The following LSM14A variants were observed in gnomAD, a reference collection of about 807,000 sequenced individuals.
LSM14A encodes the protein protein LSM14 homolog A.
A neutral mutation model predicts 52.4 loss-of-function variants in LSM14A; 14 were observed. The observed-to-expected ratio is 0.27, with a 90% CI of 0.18 to 0.42. LSM14A has a LOEUF of 0.42. Among genes scored for constraint, LSM14A ranks in the 10% least tolerant of loss-of-function variants. The pLI, the probability that LSM14A is intolerant of heterozygous loss-of-function variation, is 1.00. For missense variants in LSM14A, 417 were observed against 581.8 expected (o/e 0.72, Z 2.91); for synonymous variants, 185 against 200.3 (o/e 0.92, Z 0.64).
chr19:34,205,351 T>A (rs2071607056), intron 3 of LSM14A, among the ~76,000 whole-genome samples: 1 of 151,514 alleles, frequency 6.6e-6, no homozygotes, highest in Admixed American at 6.6e-5. Context: ...CCAGGTATGA[T>A]GGCAGGTGCC....
intron 1 of LSM14A, among the ~76,000 whole-genome samples, chr19:34,182,024 C>T (rs752954014): frequency 2.0e-5 from 3 of 152,062 alleles, no homozygotes; most frequent in Non-Finnish European, 4.4e-5. Flanking sequence ...TCATGTGATC[C>T]GAACCTATCA....
At chr19:34,226,475 CA>C in intron 9 of LSM14A, 1 of 1,386,354 alleles carries the variant, frequency 7.2e-7, no homozygotes, top group Non-Finnish European at 9.5e-7. Flanking sequence ...GTAAAAAAAA[CA>C]AATACTTTGG....
At chr19:34,220,610 A>G (rs1163603230) in intron 8 of LSM14A, among the ~76,000 whole-genome samples, 1 of 135,404 alleles carries the variant, frequency 7.4e-6, no homozygotes, top group East Asian at 1.9e-4. Context: ...TCTCCTGCCC[A>G]ATCCAAATTG....
At chr19:34,197,134 C>G (rs965566131) in intron 3 of LSM14A, among the ~76,000 whole-genome samples, 1 of 152,040 alleles carries the variant, frequency 6.6e-6, no homozygotes, top group Non-Finnish European at 1.5e-5. Flanking sequence ...CTCTGTCACT[C>G]AGGCTGGAGT....
chr19:34,180,156 T>C (rs1399278704), intron 1 of LSM14A, among the ~76,000 whole-genome samples: 1 of 152,202 alleles, frequency 6.6e-6, no homozygotes, highest in African/African-American at 2.4e-5. Context: ...TGGGCTCAAG[T>C]GATCTGCCTG....
At chr19:34,218,589 G>C (rs2072845013) in intron 6 of LSM14A, among the ~76,000 whole-genome samples, 1 of 152,100 alleles carries the variant, frequency 6.6e-6, no homozygotes, top group Admixed American at 6.5e-5. Context: ...ACTGGTTTCT[G>C]TTCTGCGTTT....
intron 3 of LSM14A, among the ~76,000 whole-genome samples, chr19:34,201,904 C>G (rs1221327675): frequency 6.6e-6 from 1 of 152,022 alleles, no homozygotes; most frequent in Non-Finnish European, 1.5e-5. Context: ...TCGCTGCAGC[C>G]TAGACCTCCT....
intron 9 of LSM14A, among the ~76,000 whole-genome samples, chr19:34,226,759 G>T (rs2073368629): frequency 6.6e-6 from 1 of 152,056 alleles, no homozygotes; most frequent in South Asian, 2.1e-4. Flanking sequence ...TTTAGTTTAG[G>T]GTCAGTCTCT....
chr19:34,194,655 A>G lies in LSM14A; in HGVS notation c.285+14A>G. The G allele has an allele frequency of 6.2e-7, 1 of 1,613,832 alleles. No individual in the cohort carries two copies. Among genetic ancestry groups the G allele is most frequent in the Non-Finnish European group, 8.5e-7 (1 of 1,179,810 alleles). ...GCTATTGTTCAGGTAACTGATGGTA[A>G]ATTTGTCTTGGAGTACAGGTAAACT... On this transcript the variant is annotated intron_variant, in intron 2 of 9. Coordinates refer to ENST00000544216, the MANE Select transcript of LSM14A (RefSeq NM_015578.4).
intron 1 of LSM14A, among the ~76,000 whole-genome samples, chr19:34,179,230 T>C (rs2069298142): frequency 6.6e-6 from 1 of 152,196 alleles, no homozygotes; most frequent in African/African-American, 2.4e-5. Flanking sequence ...ACAAGTAAAT[T>C]GTTAACAGAT....
chr19:34,222,198 G>A lies in LSM14A; in HGVS notation c.1368+460G>A, dbSNP rs370777347. Among the ~76,000 whole-genome samples the A allele has an allele frequency of 4.2e-4, 64 of 152,328 alleles. No individual in the cohort carries two copies. The South Asian group carries it at 4.3e-3, about 10-fold the overall frequency. On this transcript the variant is annotated intron_variant, in intron 9 of 9. Coordinates refer to ENST00000544216, the MANE Select transcript of LSM14A (RefSeq NM_015578.4). Reference sequence around the variant, plus strand: ...GGTATAGAGATATTAAGTAACTTGCGAAAGGTCACATAGCTAGTAAGTGAT... The same window carrying A: ...GGTATAGAGATATTAAGTAACTTGCAAAAGGTCACATAGCTAGTAAGTGAT...
In LSM14A at chr19:34,174,183, A is replaced by AG; in HGVS notation, c.121+1422dup. Among the ~76,000 whole-genome samples the AG allele has an allele frequency of 2.6e-5, 4 of 152,286 alleles. 1 individual carries two copies. The East Asian group carries it at 7.7e-4, about 29-fold the overall frequency. On this transcript the variant is annotated intron_variant, in intron 1 of 9. Coordinates refer to ENST00000544216, the MANE Select transcript of LSM14A (RefSeq NM_015578.4). ...AGGCTGGTCTCGAACTCCTGACCTC[A>AG]GGTGATCCACCCGCCTCGGCCACCC...
chr19:34,227,741 A>T lies in LSM14A; in HGVS notation c.*353A>T. On this transcript the variant is annotated 3_prime_UTR_variant, in exon 10 of 10. Transcript: ENST00000544216. ...TCACTAAATTGTATTTGGCAATTGC[A>T]AGTTGCCTGCAGATAGGGCCGTGAT... The T allele has an allele frequency of 4.7e-6, 1 of 211,126 alleles. No homozygotes were observed. Among genetic ancestry groups the T allele is most frequent in the Non-Finnish European group, 9.2e-6 (1 of 108,138 alleles). The allele number at this position is 211,126 out of a possible 1,614,324, so 13.1% of individuals were successfully genotyped here. A position where few individuals can be genotyped will look rare whatever the true frequency, so the allele number is the denominator to read the frequency against.
Position 34,210,075 on chromosome 19 carries a change from A to G in LSM14A, c.538+1024A>G, listed in dbSNP as rs372421033. 1.5e-3 allele frequency among the ~76,000 whole-genome samples: 227 copies of G among 152,118 alleles called. 1 individual carries two copies. Among genetic ancestry groups the G allele is most frequent in the African/African-American group, 4.1e-3 (171 of 41,510 alleles). On this transcript the variant is annotated intron_variant, in intron 4 of 9. Coordinates refer to ENST00000544216, the MANE Select transcript of LSM14A (RefSeq NM_015578.4). ...GGGTATTTTTGGCTCATTGCTTTAT[A>G]TGAATGGTTTTTGTTTTGTTTTGTT...
chr19:34,197,682 C>T (rs929822592), intron 3 of LSM14A, among the ~76,000 whole-genome samples: 1 of 152,000 alleles, frequency 6.6e-6, no homozygotes, highest in Non-Finnish European at 1.5e-5. Flanking sequence ...CTCAAGTGAT[C>T]CACCCACCTC....
chr19:34,189,065 TC>T (rs1026035486), intron 1 of LSM14A, among the ~76,000 whole-genome samples: 11 of 152,138 alleles, frequency 7.2e-5, no homozygotes, highest in African/African-American at 2.4e-4. Context: ...GACTGTAACT[TC>T]CCTGAGGGTG....
chr19:34,189,833 T>C (rs1172661182), intron 1 of LSM14A, among the ~76,000 whole-genome samples: 2 of 152,236 alleles, frequency 1.3e-5, no homozygotes, highest in African/African-American at 2.4e-5. Context: ...TGCTTAAAGA[T>C]AAGTTAAAAT....
chr19:34,190,559 A>G (rs750603187), intron 1 of LSM14A, among the ~76,000 whole-genome samples: 11 of 151,928 alleles, frequency 7.2e-5, no homozygotes, highest in African/African-American at 2.4e-4. Flanking sequence ...AAGTGTATCA[A>G]GTGACTCCTA....
At chr19:34,219,948 C>T (rs777962398) in intron 8 of LSM14A, 71 bp downstream of exon 8, 52 of 1,166,994 alleles carry the variant, frequency 4.5e-5, no homozygotes, top group South Asian at 5.6e-5. Flanking sequence ...TGTAAATTCA[C>T]GAGGTTTAAT....
Sources: gnomAD v4.1 joint callset for allele counts (sites outside exome capture counted in the v4.1 genomes callset) on GRCh38, gnomAD v4.1.1 for gene constraint, MANE v1.5 for transcripts, NCBI Gene and HGNC (gene_info 2026-07-23, HGNC 2026-07-21) for gene names.